ZC3H12B: variants seen among roughly 807,000 people sequenced by gnomAD.
ZC3H12B encodes the protein zinc finger CCCH-type containing 12B, also known as probable ribonuclease ZC3H12B.
A neutral mutation model predicts 43.9 loss-of-function variants in ZC3H12B; 7 were observed. The observed-to-expected ratio is 0.16, with a 90% CI of 0.09 to 0.30. The LOEUF (loss-of-function observed/expected upper bound fraction) is 0.30, where lower values mean the gene tolerates loss of function less well. ZC3H12B is among the 10% of genes least tolerant of loss of function. ZC3H12B has a pLI of 1.00. For missense variants in ZC3H12B, 475 were observed against 670.2 expected (o/e 0.71, Z 3.22); for synonymous variants, 222 against 241.7 (o/e 0.92, Z 0.76).
the ZC3H12B span, among the ~76,000 whole-genome samples, chrX:65,188,560 A>T: frequency 9.0e-6 from 1 of 110,601 alleles, no homozygotes; most frequent in African/African-American, 3.3e-5. Flanking sequence ...CATTTCTTTG[A>T]TGATCAATGA....
the ZC3H12B span, among the ~76,000 whole-genome samples, chrX:65,247,314 T>G: frequency 2.7e-5 from 3 of 112,356 alleles, no homozygotes; most frequent in Admixed American, 1.9e-4. Context: ...TCTGCAATTC[T>G]GGAAGACAGT....
the ZC3H12B span, among the ~76,000 whole-genome samples, chrX:65,162,240 G>T: frequency 1.4e-3 from 154 of 110,862 alleles, no homozygotes; most frequent in African/African-American, 4.4e-3. Flanking sequence ...TGACAATTAT[G>T]TGTCTTGGAG....
At chrX:65,449,122 G>T (rs1431281291) in intron 3 of ZC3H12B, among the ~76,000 whole-genome samples, 1 of 110,354 alleles carries the variant, frequency 9.1e-6, no homozygotes, top group African/African-American at 3.3e-5. Flanking sequence ...TGGACACATG[G>T]TGGGGAACAA....
At chrX:65,432,115 T>G (rs766494263) in intron 3 of ZC3H12B, among the ~76,000 whole-genome samples, 5 of 111,900 alleles carry the variant, frequency 4.5e-5, no homozygotes, top group Non-Finnish European at 9.4e-5. Context: ...TTAGGGCCAC[T>G]TTTTTATATA....
At chrX:65,249,644 G>T in the ZC3H12B span, among the ~76,000 whole-genome samples, 1 of 111,145 alleles carries the variant, frequency 9.0e-6, no homozygotes, top group Non-Finnish European at 1.9e-5. Context: ...ATTGCTTTTG[G>T]CAGTATGATC....
At chrX:65,265,551 A>T in the ZC3H12B span, among the ~76,000 whole-genome samples, 1 of 112,266 alleles carries the variant, frequency 8.9e-6, no homozygotes, top group Admixed American at 9.4e-5. Flanking sequence ...GGAAAGGCTT[A>T]TAAACATTTC....
chrX:65,182,977 G>A, the ZC3H12B span, among the ~76,000 whole-genome samples: 1 of 111,886 alleles, frequency 8.9e-6, no homozygotes, highest in African/African-American at 3.2e-5. Flanking sequence ...GCTGATGGGA[G>A]TTTACATTAG....
At chrX:65,068,043 A>G in the ZC3H12B span, among the ~76,000 whole-genome samples, 1 of 109,033 alleles carries the variant, frequency 9.2e-6, no homozygotes, top group Non-Finnish European at 1.9e-5. Flanking sequence ...TGTAATTTCC[A>G]AAATTTCTCT....
chrX:65,413,466 A>G (rs1368567799), intron 3 of ZC3H12B, among the ~76,000 whole-genome samples: 1 of 111,560 alleles, frequency 9.0e-6, no homozygotes, highest in African/African-American at 3.3e-5. Context: ...ATTTTTGTTT[A>G]TGGTGTGAAG....
At chrX:65,089,515 G>A in the ZC3H12B span, among the ~76,000 whole-genome samples, 45 of 111,902 alleles carry the variant, frequency 4.0e-4, no homozygotes, top group East Asian at 3.6e-3. Flanking sequence ...GTGAAGGCCT[G>A]CTACATTACT....
At chrX:65,137,719 GGTTA>G in the ZC3H12B span, among the ~76,000 whole-genome samples, 25 of 111,543 alleles carry the variant, frequency 2.2e-4, no homozygotes, top group Non-Finnish European at 3.6e-4. Flanking sequence ...AATATTTTGG[GGTTA>G]GTTTTTAATT....
chrX:65,124,062 G>C, the ZC3H12B span, among the ~76,000 whole-genome samples: 4 of 111,172 alleles, frequency 3.6e-5, no homozygotes, highest in Non-Finnish European at 5.7e-5. Context: ...ATCATGTCTT[G>C]TTCCAGTTCT....
chrX:65,121,794 C>T, the ZC3H12B span, among the ~76,000 whole-genome samples: 1 of 109,055 alleles, frequency 9.2e-6, no homozygotes, highest in African/African-American at 3.3e-5. Flanking sequence ...TTTAGTATTT[C>T]CCTCTACTCA....
chrX:65,167,958 A>G, the ZC3H12B span, among the ~76,000 whole-genome samples: 1 of 111,867 alleles, frequency 8.9e-6, no homozygotes, highest in African/African-American at 3.2e-5. Context: ...GGTTTTCGAA[A>G]TATACAGTCA....
the ZC3H12B span, among the ~76,000 whole-genome samples, chrX:65,095,279 G>T: frequency 8.9e-6 from 1 of 111,904 alleles, no homozygotes; most frequent in East Asian, 2.8e-4. Flanking sequence ...GAGTTTAAAA[G>T]ATGCATTCAA....
chrX:65,188,208 G>A, the ZC3H12B span, among the ~76,000 whole-genome samples: 1 of 111,100 alleles, frequency 9.0e-6, no homozygotes, highest in African/African-American at 3.3e-5. Context: ...CTATTCATCT[G>A]TTGATGGACA....
the ZC3H12B span, among the ~76,000 whole-genome samples, chrX:65,266,759 T>A: frequency 9.0e-6 from 1 of 111,371 alleles, no homozygotes; most frequent in African/African-American, 3.3e-5. Flanking sequence ...TGGCAACTAC[T>A]TGACCAGTGC....
At chrX:65,044,091 AATG>A in the ZC3H12B span, among the ~76,000 whole-genome samples, 3 of 111,843 alleles carry the variant, frequency 2.7e-5, no homozygotes, top group African/African-American at 9.7e-5. Context: ...ACCATCAGAT[AATG>A]ATAAGAGCTA....
chrX:65,297,846 G>C, the ZC3H12B span, among the ~76,000 whole-genome samples: 5 of 111,406 alleles, frequency 4.5e-5, no homozygotes, highest in African/African-American at 1.6e-4. Context: ...AAACCCAAAT[G>C]CTTGCAGCCA....
Sources: allele counts gnomAD v4.1 joint callset (sites outside exome capture counted in the v4.1 genomes callset), GRCh38; gene constraint gnomAD v4.1.1; transcripts MANE v1.5; gene names NCBI Gene and HGNC (gene_info 2026-07-23, HGNC 2026-07-21).